The following RILP variants were observed in gnomAD, a reference collection of about 807,000 sequenced individuals.
RILP encodes rab-interacting lysosomal protein.
In RILP, 53 loss-of-function variants were observed where a neutral mutation model predicts 40.0. The observed-to-expected ratio is 1.32, with a 90% CI of 1.06 to 1.66. RILP has a LOEUF of 1.66. RILP is among the 40% of genes most tolerant of loss of function. The pLI, the probability that RILP is intolerant of heterozygous loss-of-function variation, is 0.00. For missense variants in RILP, 626 were observed against 551.7 expected (o/e 1.13, Z -1.35); for synonymous variants, 272 against 250.6 (o/e 1.09, Z -0.80).
At chr17:1,647,065 A>T in intron 6 of RILP, 76 bp from the exon 7 acceptor site, 1 of 964,808 alleles carries the variant, frequency 1.0e-6, no homozygotes. Context: ...AGCAGGGGGG[A>T]TGGAGGGACT....
Position 1,649,782 on chromosome 17 carries a change from G to T in RILP, c.23C>A (p.Pro8His). The T allele has an allele frequency of 6.4e-7, 1 of 1,557,952 alleles. No homozygotes were observed. Among genetic ancestry groups the T allele is most frequent in the Non-Finnish European group, 8.6e-7 (1 of 1,158,760 alleles). MEPRRAAPGVPGWGSREA... is the reference protein window; with the variant it reads MEPRRAAHGVPGWGSREA... ...CCGAGACCCCCAGCCAGGCACCCCG[G>T]GCGCCGCCCTCCTGGGCTCCATGTC... is the stretch of plus-strand genomic sequence containing the variant. The change falls in exon 1 of 8, where the codon CCC becomes CAC. Residue 8 changes from proline to histidine, a missense_variant. Coordinates refer to ENST00000301336, the MANE Select transcript of RILP (RefSeq NM_031430.3). The surrounding 1 kb of genome is among the most constrained non-coding windows in gnomAD (Gnocchi z 4.3).
At position 1,649,439 on chromosome 17, in the gene RILP, G is replaced by C; in HGVS notation, c.295C>G (p.Arg99Gly). Residue 99 changes from arginine (R) to glycine (G), a missense_variant, in exon 2 of 8, where the codon CGC (arginine) becomes GGC (glycine). Physicochemically the swap from Arg to Gly is moderately radical, Grantham distance 125 (BLOSUM62 -2). Coordinates refer to ENST00000301336, the MANE Select transcript of RILP (RefSeq NM_031430.3). This position sits in a 1 kb window ranked among gnomAD's most constrained non-coding sequence, Gnocchi z 4.3. ...RRLREENERL[R>G]RELRAGPQEE... ...TGTGGCCCCGCGCGCAGCTCCCTGC[G>C]GAGGCGCTCGTTCTCCTCCCGCAGC... 1 of 1,510,682 alleles carries C rather than the reference G, an allele frequency of 6.6e-7. No homozygotes were observed. The highest frequency in any genetic ancestry group is 2.6e-5 in the East Asian group (1 of 37,750). The allele number at this position is 1,510,682 out of a possible 1,614,324, so 93.6% of individuals were successfully genotyped here. A position where few individuals can be genotyped will look rare whatever the true frequency, so the allele number is the denominator to read the frequency against.
Position 1,649,642 on chromosome 17 carries a change from C to T in RILP, c.163G>A (p.Val55Met). Residue 55 changes from valine (V) to methionine (M), a missense_variant, in exon 1 of 8, where the codon GTG (valine) becomes ATG (methionine). Coordinates refer to ENST00000301336, the MANE Select transcript of RILP (RefSeq NM_031430.3). The surrounding 1 kb of genome is among the most constrained non-coding windows in gnomAD (Gnocchi z 4.3). ...RFGPEAAAGL[V>M]PLVVRALELL... is the part of the protein sequence containing the mutation. ...TCCAGCGCCCGCACCACTAGCGGCA[C>T]CAGCCCGGCCGCCGCCTCCGGCCCG... is the stretch of plus-strand genomic sequence containing the variant. 2 of 1,586,554 alleles carry T rather than the reference C, an allele frequency of 1.3e-6. No homozygotes were observed. Among genetic ancestry groups the T allele is most frequent in the Non-Finnish European group, 1.7e-6 (2 of 1,174,248 alleles).
Position 1,646,594 on chromosome 17 carries a change from C to G in RILP, c.1054G>C (p.Ala352Pro), listed in dbSNP as rs145604071. The change falls in exon 8 of 8, where the codon GCT (alanine) becomes CCT (proline). Residue 352 changes from alanine to proline, a missense_variant. By Grantham distance (27) the Ala-to-Pro change is conservative (BLOSUM62 -1). Coordinates refer to ENST00000301336, the MANE Select transcript of RILP (RefSeq NM_031430.3). This position sits in a 1 kb window ranked among gnomAD's most constrained non-coding sequence, Gnocchi z 4.3. ...CTGGTCTCATCCTCAGAGGATTCAG[C>G]TTTACCCCGATACCATAGGCCAAAG... The part of the protein sequence containing the change: ...SFFGLWYRGK[A>P]ESSEDETSSP... The G allele has an allele frequency of 2.5e-6, 4 of 1,592,816 alleles. No homozygotes were observed. The highest frequency in any genetic ancestry group is 2.3e-5 in the South Asian group (2 of 87,866).
rs1310986331 is a variant in RILP at position 1,648,273 on chromosome 17, A to C, written c.821+77T>G. The C allele has an allele frequency of 1.9e-6, 3 of 1,539,378 alleles. No homozygotes were observed. On this transcript the variant is annotated intron_variant, in intron 5 of 7. Coordinates refer to ENST00000301336, the MANE Select transcript of RILP (RefSeq NM_031430.3). This position sits in a 1 kb window ranked among gnomAD's most constrained non-coding sequence, Gnocchi z 4.9. ...CCAGTTCCCAGCGCAGGCCTGGCACATGTCACTGTGGACATGTCAATGACT... is the reference window on the plus strand; with the variant it reads ...CCAGTTCCCAGCGCAGGCCTGGCACCTGTCACTGTGGACATGTCAATGACT...
In RILP at chr17:1,647,432, G is replaced by A. The variant is rs574794550; in HGVS notation, c.944+403C>T. On this transcript the variant is annotated intron_variant, in intron 6 of 7. Coordinates refer to ENST00000301336, the MANE Select transcript of RILP (RefSeq NM_031430.3). ...TGGGATTACAGGCGTGAGCCACCGC[G>A]CCCTGCCAAGGGTTTATTTTATAGC... Among the ~76,000 whole-genome samples, 10 of 152,230 alleles carry A rather than the reference G, an allele frequency of 6.6e-5. No homozygotes were observed. In the East Asian group the frequency reaches 1.7e-3, roughly 26 times the overall value.
chr17:1,646,505 ATCAGGAGCTGGAGACT>A lies in RILP; in HGVS notation c.1127_1142del (p.Gln376LeufsTer110), dbSNP rs759771291. On this transcript the variant is annotated frameshift_variant, in exon 8 of 8. Coordinates refer to ENST00000301336, the MANE Select transcript of RILP (RefSeq NM_031430.3). LOFTEE classifies it low-confidence loss of function (END_TRUNC). This position sits in a 1 kb window ranked among gnomAD's most constrained non-coding sequence, Gnocchi z 4.3. ...GTTCGTGGAGGGCAGAACAGGGCGG[ATCAGGAGCTGGAGACT>A]GTGGTTGGGCCTCCTCTTCTCCCCC... 6.2e-7 allele frequency: 1 copy of A among 1,613,200 alleles called. No homozygotes were observed. Among genetic ancestry groups the A allele is most frequent in the Non-Finnish European group, 8.5e-7 (1 of 1,179,586 alleles).
At chr17:1,647,300 C>T (rs566116622) in intron 6 of RILP, among the ~76,000 whole-genome samples, 45 of 152,152 alleles carry the variant, frequency 3.0e-4, no homozygotes, top group Admixed American at 5.9e-4. Context: ...CCACCATGCC[C>T]GGCTAATTTT....
chr17:1,646,331 G>GT lies in RILP; in HGVS notation c.*110dup. The GT allele has an allele frequency of 9.2e-7, 1 of 1,085,982 alleles. No homozygotes were observed. The highest frequency in any genetic ancestry group is 1.3e-6 in the Non-Finnish European group (1 of 766,164). 67.3% of individuals were successfully genotyped at this position (1,085,982 alleles called of 1,614,324 possible). A position where few individuals can be genotyped will look rare whatever the true frequency, so the allele number is the denominator to read the frequency against. ...AGAGAGGGAGGCGGGCTGAGACCCC[G>GT]TCCTGCCCTGATGCAGGCCAGGATT... On this transcript the variant is annotated 3_prime_UTR_variant, in exon 8 of 8. Transcript: ENST00000301336. This position sits in a 1 kb window ranked among gnomAD's most constrained non-coding sequence, Gnocchi z 4.3.
rs1910759313 is a variant in RILP at position 1,648,761 on chromosome 17, CGTCCTGGGCTGG to C, written c.675+26_675+37del. On this transcript the variant is annotated intron_variant, in intron 4 of 7. Transcript: ENST00000301336. The surrounding 1 kb of genome is among the most constrained non-coding windows in gnomAD (Gnocchi z 4.9). The stretch of plus-strand genomic sequence containing the variant: ...AGTGCCCACCGAGGGCTGGACGCTG[CGTCCTGGGCTGG>C]GTCCTTGCCCTCATACGGCACTCAC... 4 of 1,468,858 alleles carry C rather than the reference CGTCCTGGGCTGG, an allele frequency of 2.7e-6. No individual in the cohort carries two copies. The East Asian group carries it at 9.7e-5, about 36-fold the overall frequency. 91.0% of individuals were successfully genotyped at this position (1,468,858 alleles called of 1,614,324 possible). A position where few individuals can be genotyped will look rare whatever the true frequency, so the allele number is the denominator to read the frequency against.
In RILP at chr17:1,646,670, A is replaced by G. The variant is rs1194772856; in HGVS notation, c.1029-51T>C. On this transcript the variant is annotated intron_variant, in intron 7 of 7. Transcript: ENST00000301336. This position sits in a 1 kb window ranked among gnomAD's most constrained non-coding sequence, Gnocchi z 4.3. ...TTGAGCCAGGAAGCCAGAGAGGTCA[A>G]GGATATGGGTGAGGGCAGGGGATGG... 6.6e-7 allele frequency: 1 copy of G among 1,521,056 alleles called. No homozygotes were observed. The highest frequency in any genetic ancestry group is 1.3e-5 in the South Asian group (1 of 78,756). 94.2% of individuals were successfully genotyped at this position (1,521,056 alleles called of 1,614,324 possible). A position where few individuals can be genotyped will look rare whatever the true frequency, so the allele number is the denominator to read the frequency against.
At position 1,648,265 on chromosome 17, in the gene RILP, C is replaced by A; in HGVS notation, c.821+85G>T. ...ATGTCCTCCCAGTTCCCAGCGCAGGCCTGGCACATGTCACTGTGGACATGT... is the reference window on the plus strand; with the variant it reads ...ATGTCCTCCCAGTTCCCAGCGCAGGACTGGCACATGTCACTGTGGACATGT... On this transcript the variant is annotated intron_variant, in intron 5 of 7. Coordinates refer to ENST00000301336, the MANE Select transcript of RILP (RefSeq NM_031430.3). This position sits in a 1 kb window ranked among gnomAD's most constrained non-coding sequence, Gnocchi z 4.9. 6.6e-7 allele frequency: 1 copy of A among 1,512,306 alleles called. No individual in the cohort carries two copies. The highest frequency in any genetic ancestry group is 1.3e-5 in the South Asian group (1 of 79,706). 93.7% of individuals were successfully genotyped at this position (1,512,306 alleles called of 1,614,324 possible). A position where few individuals can be genotyped will look rare whatever the true frequency, so the allele number is the denominator to read the frequency against.
chr17:1,647,377 T>G (rs888038548), intron 6 of RILP, among the ~76,000 whole-genome samples: 2 of 152,092 alleles, frequency 1.3e-5, no homozygotes. Context: ...TGACCTCAGG[T>G]GATCTACCCA....
chr17:1,647,331 A>G (rs1203051298), intron 6 of RILP, among the ~76,000 whole-genome samples: 1 of 151,840 alleles, frequency 6.6e-6, no homozygotes, highest in Admixed American at 6.6e-5. Flanking sequence ...GTAGAGACGG[A>G]GTTTCACCAT....
chr17:1,649,424 C>G lies in RILP; in HGVS notation c.310G>C (p.Ala104Pro). ...ENERLRRELR[A>P]GPQEERALLR... is the part of the protein sequence containing the mutation. ...GGGCTGCGCTTACCCTGTGGCCCCG[C>G]GCGCAGCTCCCTGCGGAGGCGCTCG... Residue 104 changes from alanine to proline, a missense_variant, in exon 2 of 8, where the codon GCG becomes CCG. Physicochemically the swap from Ala to Pro is conservative, Grantham distance 27 (BLOSUM62 -1). Coordinates refer to ENST00000301336, the MANE Select transcript of RILP (RefSeq NM_031430.3). This position sits in a 1 kb window ranked among gnomAD's most constrained non-coding sequence, Gnocchi z 4.3. 3 of 1,506,700 alleles carry G rather than the reference C, an allele frequency of 2.0e-6. No homozygotes were observed. Among genetic ancestry groups the G allele is most frequent in the Non-Finnish European group, 2.6e-6 (3 of 1,135,316 alleles). 93.3% of individuals were successfully genotyped at this position (1,506,700 alleles called of 1,614,324 possible).
chr17:1,649,457 C>G lies in RILP; in HGVS notation c.277G>C (p.Glu93Gln). The G allele has an allele frequency of 6.6e-7, 1 of 1,511,550 alleles. No homozygotes were observed. The highest frequency in any genetic ancestry group is 8.8e-7 in the Non-Finnish European group (1 of 1,137,856). 93.6% of individuals were successfully genotyped at this position (1,511,550 alleles called of 1,614,324 possible). Reference protein sequence around the residue: ...PAEQELRRLREENERLRRELR... With the variant: ...PAEQELRRLRQENERLRRELR... ...TCCCTGCGGAGGCGCTCGTTCTCCT[C>G]CCGCAGCCGCCGCAGCTCCTGCTCC... The change falls in exon 2 of 8, where the codon GAG becomes CAG. Residue 93 changes from glutamate to glutamine, a missense_variant. Transcript: ENST00000301336. The surrounding 1 kb of genome is among the most constrained non-coding windows in gnomAD (Gnocchi z 4.3).
rs1258192104 is a variant in RILP, at chr17:1,649,485, C to A, written c.249G>T (p.Pro83=). Reference sequence around the variant, plus strand: ...GCAGCCGCCGCAGCTCCTGCTCCGCCGGCTGCGCCGACACCTGCAGCTGGG... The same window carrying A: ...GCAGCCGCCGCAGCTCCTGCTCCGCAGGCTGCGCCGACACCTGCAGCTGGG... ...APDSLQVSAQ[P]AEQELRRLRE... The change falls in exon 2 of 8, where the codon CCG becomes CCT. Residue 83 remains proline (P), a synonymous_variant. Coordinates refer to ENST00000301336, the MANE Select transcript of RILP (RefSeq NM_031430.3). The surrounding 1 kb of genome is among the most constrained non-coding windows in gnomAD (Gnocchi z 4.3). The A allele has an allele frequency of 1.1e-5, 16 of 1,510,462 alleles. No individual in the cohort carries two copies. The highest frequency in any genetic ancestry group is 1.4e-5 in the African/African-American group (1 of 69,670). The allele number at this position is 1,510,462 out of a possible 1,614,324, so 93.6% of individuals were successfully genotyped here.
At position 1,649,829 on chromosome 17, in the gene RILP, A is replaced by AC. The variant is rs778249635; in HGVS notation, c.-26dup. 1.4e-4 allele frequency: 199 copies of AC among 1,464,180 alleles called. 3 individuals are homozygous for AC. The South Asian group carries it at 2.0e-3, about 15-fold the overall frequency. The allele number at this position is 1,464,180 out of a possible 1,614,324, so 90.7% of individuals were successfully genotyped here. A position where few individuals can be genotyped will look rare whatever the true frequency, so the allele number is the denominator to read the frequency against. On this transcript the variant is annotated 5_prime_UTR_variant, in exon 1 of 8. Transcript: ENST00000301336. This position sits in a 1 kb window ranked among gnomAD's most constrained non-coding sequence, Gnocchi z 4.3. Reference sequence around the variant, plus strand: ...TGTCTCCCAGAGGCTTAGGGCTGCGACCCCCCCACCCCACCCTCCACTGGG... The same window carrying AC: ...TGTCTCCCAGAGGCTTAGGGCTGCGACCCCCCCCACCCCACCCTCCACTGGG...
In RILP at chr17:1,648,255, C is replaced by T; in HGVS notation, c.821+95G>A. Reference sequence around the variant, plus strand: ...TGTACAATTCATGTCCTCCCAGTTCCCAGCGCAGGCCTGGCACATGTCACT... The same window carrying T: ...TGTACAATTCATGTCCTCCCAGTTCTCAGCGCAGGCCTGGCACATGTCACT... On this transcript the variant is annotated intron_variant, in intron 5 of 7. Coordinates refer to ENST00000301336, the MANE Select transcript of RILP (RefSeq NM_031430.3). The surrounding 1 kb of genome is among the most constrained non-coding windows in gnomAD (Gnocchi z 4.9). 1 of 1,470,154 alleles carries T rather than the reference C, an allele frequency of 6.8e-7. No individual in the cohort carries two copies. The highest frequency in any genetic ancestry group is 9.2e-7 in the Non-Finnish European group (1 of 1,083,188). The allele number at this position is 1,470,154 out of a possible 1,614,324, so 91.1% of individuals were successfully genotyped here. A position where few individuals can be genotyped will look rare whatever the true frequency, so the allele number is the denominator to read the frequency against.
Sources: gnomAD v4.1 joint callset for allele counts (sites outside exome capture counted in the v4.1 genomes callset) on GRCh38, gnomAD v4.1.1 for gene constraint, Gnocchi (gnomAD v3.1) non-coding constraint, MANE v1.5 for transcripts, NCBI Gene and HGNC (gene_info 2026-07-23, HGNC 2026-07-21) for gene names.